ROBO2: variants seen among roughly 807,000 people sequenced by gnomAD.
ROBO2 encodes the protein roundabout homolog 2.
ROBO2 carries 53 observed loss-of-function variants against 160.8 expected under a neutral mutation model. The observed-to-expected ratio is 0.33, with a 90% CI of 0.26 to 0.41. The LOEUF is 0.41. Among genes scored for constraint, ROBO2 ranks in the 10% least tolerant of loss-of-function variants. ROBO2 has a pLI of 1.00. For missense variants in ROBO2, 1,577 were observed against 1,722.4 expected (o/e 0.92, Z 1.49); for synonymous variants, 664 against 611.7 (o/e 1.09, Z -1.26).
At chr3:77,623,601 A>G (rs1251256440) in intron 23 of ROBO2, among the ~76,000 whole-genome samples, 7 of 152,162 alleles carry the variant, frequency 4.6e-5, no homozygotes, top group African/African-American at 1.7e-4. Flanking sequence ...AGCCTAATTA[A>G]GATTTAAGAG....
chr3:76,596,359 G>A (rs2086733336), intron 2 of ROBO2, among the ~76,000 whole-genome samples: 2 of 152,092 alleles, frequency 1.3e-5, no homozygotes, highest in Non-Finnish European at 1.5e-5. Context: ...GAGAGAATAT[G>A]TTAAATAACA....
At chr3:76,080,296 C>T (rs2068780521) in intron 2 of ROBO2, among the ~76,000 whole-genome samples, 1 of 152,158 alleles carries the variant, frequency 6.6e-6, no homozygotes, top group Non-Finnish European at 1.5e-5. Context: ...TCCTGGTTGC[C>T]TCAAATATCC....
chr3:76,069,567 G>A (rs1357881807), intron 2 of ROBO2, among the ~76,000 whole-genome samples: 1 of 150,322 alleles, frequency 6.7e-6, no homozygotes, highest in Non-Finnish European at 1.5e-5. Flanking sequence ...TTGTAATTTG[G>A]TGGGTCTTAA....
intron 2 of ROBO2, among the ~76,000 whole-genome samples, chr3:76,948,905 TA>T (rs1244962399): frequency 3.7e-3 from 82 of 22,118 alleles, no homozygotes; most frequent in African/African-American, 0.011. Context: ...TATATATATA[TA>T]TATTTTTTTT....
At chr3:77,239,702 T>G (rs977167381) in intron 2 of ROBO2, among the ~76,000 whole-genome samples, 2 of 152,114 alleles carry the variant, frequency 1.3e-5, no homozygotes, top group African/African-American at 2.4e-5. Flanking sequence ...TAGCTAGATG[T>G]AAAAGTTCTC....
At chr3:76,882,497 T>G (rs1052545870) in intron 2 of ROBO2, among the ~76,000 whole-genome samples, 1 of 152,092 alleles carries the variant, frequency 6.6e-6, no homozygotes. Flanking sequence ...TTTCAGGGTA[T>G]CAAAATAGCT....
At chr3:77,542,528 C>T (rs967198834) in intron 6 of ROBO2, among the ~76,000 whole-genome samples, 10 of 152,072 alleles carry the variant, frequency 6.6e-5, no homozygotes, top group South Asian at 2.1e-4. Context: ...ATAAACATCA[C>T]GTGATAATAT....
chr3:76,417,663 A>G (rs1393985827), intron 2 of ROBO2, among the ~76,000 whole-genome samples: 1 of 152,204 alleles, frequency 6.6e-6, no homozygotes, highest in Admixed American at 6.5e-5. Flanking sequence ...ACAAGTTGAA[A>G]GGACAGGGAA....
chr3:76,978,914 A>C (rs1292684954), intron 2 of ROBO2, among the ~76,000 whole-genome samples: 1 of 150,716 alleles, frequency 6.6e-6, no homozygotes, highest in Non-Finnish European at 1.5e-5. Flanking sequence ...GTGCAGTTTT[A>C]GAGTTTTTTT....
chr3:76,912,775 T>C (rs905262029), intron 2 of ROBO2, among the ~76,000 whole-genome samples: 5 of 152,176 alleles, frequency 3.3e-5, no homozygotes, highest in Admixed American at 1.3e-4. Context: ...TGTATTCAAC[T>C]TTAGGCAAAG....
chr3:76,854,509 A>C (rs1312739350), intron 2 of ROBO2, among the ~76,000 whole-genome samples: 1 of 152,098 alleles, frequency 6.6e-6, no homozygotes, highest in Admixed American at 6.5e-5. Context: ...AGAACTCAGC[A>C]TTTACTTTGG....
intron 13 of ROBO2, 91 bp from the exon 15 acceptor site, chr3:77,574,408 C>CATCACTCAGTTGAT: frequency 9.2e-7 from 1 of 1,084,368 alleles, no homozygotes; most frequent in Non-Finnish European, 1.4e-6. Flanking sequence ...GTTATGAGGA[C>CATCACTCAGTTGAT]AGAAATGGGA....
intron 2 of ROBO2, among the ~76,000 whole-genome samples, chr3:76,511,826 C>T (rs1208047922): frequency 1.3e-5 from 2 of 152,156 alleles, no homozygotes; most frequent in South Asian, 2.1e-4. Flanking sequence ...CAGATACCTT[C>T]GGAGCCCATC....
At chr3:77,219,905 C>A (rs1029583726) in intron 2 of ROBO2, among the ~76,000 whole-genome samples, 1 of 148,346 alleles carries the variant, frequency 6.7e-6, no homozygotes, top group Non-Finnish European at 1.5e-5. Context: ...AGACAAAGTT[C>A]TTTAGTAATA....
At chr3:76,261,171 T>G (rs1706724771) in intron 2 of ROBO2, among the ~76,000 whole-genome samples, 1 of 93,788 alleles carries the variant, frequency 1.1e-5, no homozygotes, top group South Asian at 3.1e-4. Context: ...CTAAATTATG[T>G]GTGTGTGTGT....
intron 24 of ROBO2, among the ~76,000 whole-genome samples, chr3:77,640,171 G>A (rs1266916549): frequency 7.1e-6 from 1 of 140,494 alleles, no homozygotes; most frequent in Non-Finnish European, 1.5e-5. Context: ...GAGTACAGTG[G>A]GGCGATCTCG....
At chr3:76,932,915 G>A (rs925831596) in intron 2 of ROBO2, among the ~76,000 whole-genome samples, 2 of 151,798 alleles carry the variant, frequency 1.3e-5, no homozygotes, top group Admixed American at 1.3e-4. Flanking sequence ...GCCCCGAGAA[G>A]TCTATTATCC....
chr3:76,916,344 A>T (rs953093363), intron 2 of ROBO2, among the ~76,000 whole-genome samples: 1 of 151,936 alleles, frequency 6.6e-6, no homozygotes, highest in Non-Finnish European at 1.5e-5. Context: ...TTATGGACAG[A>T]TATGTACCTT....
At chr3:77,480,305 A>AC (rs1398875106) in intron 3 of ROBO2, among the ~76,000 whole-genome samples, 1 of 151,602 alleles carries the variant, frequency 6.6e-6, no homozygotes, top group African/African-American at 2.4e-5. Context: ...TGAGTACCAA[A>AC]AAAAAAAAAC....
Sources: gnomAD v4.1 joint callset for allele counts (sites outside exome capture counted in the v4.1 genomes callset) on GRCh38, gnomAD v4.1.1 for gene constraint, MANE v1.5 for transcripts, NCBI Gene and HGNC (gene_info 2026-07-23, HGNC 2026-07-21) for gene names.